The following HDX variants were observed in gnomAD, a reference collection of about 807,000 sequenced individuals.
HDX encodes the protein chromosome X open reading frame 43.
HDX carries 19 observed loss-of-function variants against 45.2 expected under a neutral mutation model. That is an observed-to-expected ratio of 0.42 (90% confidence interval 0.29 to 0.62). The LOEUF (loss-of-function observed/expected upper bound fraction) is 0.62, where lower values mean the gene tolerates loss of function less well. HDX is among the 20% of genes least tolerant of loss of function. The pLI is 0.20. For missense variants in HDX, 532 were observed against 493.9 expected (o/e 1.08, Z -0.73); for synonymous variants, 188 against 172.8 (o/e 1.09, Z -0.69).
intron 5 of HDX, among the ~76,000 whole-genome samples, chrX:84,391,315 T>C (rs2038436827): frequency 8.9e-6 from 1 of 112,125 alleles, no homozygotes; most frequent in Non-Finnish European, 1.9e-5. Flanking sequence ...CATACCATTG[T>C]GTATATATAC....
chrX:84,373,350 T>C (rs983138606), intron 5 of HDX, among the ~76,000 whole-genome samples: 3 of 110,561 alleles, frequency 2.7e-5, no homozygotes, highest in African/African-American at 9.9e-5. Context: ...ACATTGAAAA[T>C]TGTGGTAAAA....
intron 9 of HDX, among the ~76,000 whole-genome samples, chrX:84,330,066 C>A (rs962292746): frequency 9.0e-6 from 1 of 111,228 alleles, no homozygotes; most frequent in Non-Finnish European, 1.9e-5. Flanking sequence ...AATGTTTTCA[C>A]CACAAAATAT....
At chrX:84,380,453 A>C (rs1757782590) in intron 5 of HDX, among the ~76,000 whole-genome samples, 1 of 111,241 alleles carries the variant, frequency 9.0e-6, no homozygotes, top group Admixed American at 9.6e-5. Flanking sequence ...ATCTCTGATA[A>C]ATATCGATGT....
chrX:84,500,308 G>GC (rs1301811117), intron 1 of HDX: 1 of 82,034 alleles, frequency 1.2e-5, no homozygotes, highest in Non-Finnish European at 2.2e-5. Flanking sequence ...TTGTTTTCTA[G>GC]GGGAAAAAAA....
At chrX:84,397,961 C>T (rs535088224) in intron 5 of HDX, among the ~76,000 whole-genome samples, 8 of 110,699 alleles carry the variant, frequency 7.2e-5, no homozygotes, top group African/African-American at 1.3e-4. Context: ...ACCATAACAG[C>T]GTGAGAATCC....
rs777305181 is a variant in HDX at position 84,356,748 on chromosome X, G to C, written c.1452+4718C>G. On this transcript the variant is annotated intron_variant, in intron 6 of 10. Coordinates refer to ENST00000373177, the MANE Select transcript of HDX (RefSeq NM_001177479.2). ...CGCCATTCTCCTGCCTCAGCTTCCCGAGTAGCTGGGACTATAGGCGCCCGC... is the reference window on the plus strand; with the variant it reads ...CGCCATTCTCCTGCCTCAGCTTCCCCAGTAGCTGGGACTATAGGCGCCCGC... Among the ~76,000 whole-genome samples the C allele has an allele frequency of 4.1e-3, 428 of 104,331 alleles. 2 individuals carry two copies. Among genetic ancestry groups the C allele is most frequent in the Non-Finnish European group, 5.2e-3 (269 of 51,527 alleles). 90.6% of individuals were successfully genotyped at this position (104,331 alleles called of 115,157 possible).
At chrX:84,485,558 T>C (rs367586735) in intron 2 of HDX, among the ~76,000 whole-genome samples, 2 of 111,045 alleles carry the variant, frequency 1.8e-5, no homozygotes, top group East Asian at 2.8e-4. Flanking sequence ...TCACCATGCC[T>C]GGCTAATTTT....
At position 84,469,280 on chromosome X, in the gene HDX, T is replaced by G; in HGVS notation, c.443A>C (p.Glu148Ala). The stretch of plus-strand genomic sequence containing the variant: ...TTGGACAGGAATGTGTAACTGAAAC[T>G]CAGTATCATTTTTAGTGGCTGTTTT... ...IQKTATKNDTEFQLHIPVQRQ... is the reference protein window; with the variant it reads ...IQKTATKNDTAFQLHIPVQRQ... Residue 148 changes from glutamate to alanine, a missense_variant, in exon 4 of 11, where the codon GAG becomes GCG. Transcript: ENST00000373177. 8.3e-7 allele frequency: 1 copy of G among 1,210,301 alleles called. No individual in the cohort carries two copies.
At chrX:84,343,201 G>T (rs1039143023) in intron 7 of HDX, among the ~76,000 whole-genome samples, 2 of 110,487 alleles carry the variant, frequency 1.8e-5, no homozygotes, top group African/African-American at 6.6e-5. Context: ...TGATGGTGAT[G>T]GTTGTACAAC....
At chrX:84,436,442 G>C (rs1328772585) in intron 5 of HDX, among the ~76,000 whole-genome samples, 3 of 111,386 alleles carry the variant, frequency 2.7e-5, no homozygotes, top group African/African-American at 9.8e-5. Context: ...TTTTTTTCTA[G>C]TTTTTGATGT....
intron 9 of HDX, among the ~76,000 whole-genome samples, chrX:84,333,369 T>C (rs761654934): frequency 2.7e-4 from 30 of 111,406 alleles, no homozygotes; most frequent in African/African-American, 9.4e-4. Context: ...TTTTTAAAAA[T>C]TGTCCACAGA....
At chrX:84,437,476 T>C (rs2039663610) in intron 5 of HDX, among the ~76,000 whole-genome samples, 1 of 111,360 alleles carries the variant, frequency 9.0e-6, no homozygotes, top group Non-Finnish European at 1.9e-5. Context: ...ATGTTTAACA[T>C]GCAAGTCCTG....
At chrX:84,344,145 AAT>A in intron 7 of HDX, 103 bp downstream of exon 7, 1 of 580,522 alleles carries the variant, frequency 1.7e-6, no homozygotes, top group East Asian at 3.5e-5. Context: ...TACTTGGCCA[AAT>A]GTTTTGAAGA....
chrX:84,445,696 A>G (rs2039858085), intron 4 of HDX, among the ~76,000 whole-genome samples: 2 of 111,367 alleles, frequency 1.8e-5, no homozygotes, highest in East Asian at 2.8e-4. Context: ...TGTATATAAA[A>G]TATTTTCCTC....
intron 5 of HDX, among the ~76,000 whole-genome samples, chrX:84,424,486 A>T (rs1376362157): frequency 9.0e-6 from 1 of 111,612 alleles, no homozygotes; most frequent in Non-Finnish European, 1.9e-5. Flanking sequence ...GAACCACAAA[A>T]GACCCAGAAC....
At chrX:84,406,656 A>G (rs1426826844) in intron 5 of HDX, among the ~76,000 whole-genome samples, 1 of 111,339 alleles carries the variant, frequency 9.0e-6, no homozygotes, top group Non-Finnish European at 1.9e-5. Context: ...TGAGATTATT[A>G]TGTCAAAATT....
At chrX:84,469,857 T>A (rs1204895421) in intron 3 of HDX, among the ~76,000 whole-genome samples, 2 of 111,848 alleles carry the variant, frequency 1.8e-5, no homozygotes, top group Admixed American at 1.9e-4. Context: ...CCTAAAAATG[T>A]TTATACACTT....
At chrX:84,389,883 G>C (rs1180073261) in intron 5 of HDX, among the ~76,000 whole-genome samples, 1 of 111,207 alleles carries the variant, frequency 9.0e-6, no homozygotes, top group Non-Finnish European at 1.9e-5. Context: ...TGTCGGGAAT[G>C]CGTGGTCCCC....
At chrX:84,376,270 G>A (rs1169161683) in intron 5 of HDX, among the ~76,000 whole-genome samples, 1 of 112,469 alleles carries the variant, frequency 8.9e-6, no homozygotes, top group African/African-American at 3.2e-5. Context: ...GTGAGCCTCT[G>A]AGACTTTCTG....
Sources: gnomAD v4.1 joint callset for allele counts (sites outside exome capture counted in the v4.1 genomes callset) on GRCh38, gnomAD v4.1.1 for gene constraint, MANE v1.5 for transcripts, NCBI Gene and HGNC (gene_info 2026-07-23, HGNC 2026-07-21) for gene names.